LIN54: variants seen among roughly 807,000 people sequenced by gnomAD.
LIN54 encodes the protein lin-54 DREAM MuvB core complex component, also known as protein lin-54 homolog.
Under a neutral mutation model 78.7 loss-of-function variants are expected in LIN54, and 9 were observed. The ratio of observed to expected loss-of-function variants is 0.11; its 90% confidence interval spans 0.07 to 0.20. The LOEUF is 0.20. LIN54 is among the 10% of genes least tolerant of loss of function. LIN54 has a pLI of 1.00. For missense variants in LIN54, 573 were observed against 889.9 expected, an observed-to-expected ratio of 0.64 and a Z score of 4.53; for synonymous variants, 269 against 318.4, an observed-to-expected ratio of 0.84 and a Z score of 1.65.
chr4:82,975,949 T>C (rs910715632), intron 3 of LIN54, among the ~76,000 whole-genome samples: 1 of 152,202 alleles, frequency 6.6e-6, no homozygotes, highest in South Asian at 2.1e-4. Context: ...TGATTAAACC[T>C]AGAAGTCAAA....
intron 4 of LIN54, among the ~76,000 whole-genome samples, chr4:82,955,699 C>G (rs1364327866): frequency 1.3e-5 from 2 of 151,122 alleles, no homozygotes; most frequent in African/African-American, 4.9e-5. Flanking sequence ...GTGGGAGGAT[C>G]GCTTGAACTC....
At chr4:82,976,735 G>T (rs1367261604) in intron 3 of LIN54, among the ~76,000 whole-genome samples, 1 of 152,082 alleles carries the variant, frequency 6.6e-6, no homozygotes, top group African/African-American at 2.4e-5. Flanking sequence ...CATGGAAAAA[G>T]ACTGCAGTCT....
rs1198564986 is a variant in LIN54, at chr4:82,925,696, AAAG to A, written c.*2403_*2405del. 6.6e-6 allele frequency: 1 copy of A among 152,670 alleles called. No homozygotes were observed. The highest frequency in any genetic ancestry group is 1.5e-5 in the Non-Finnish European group (1 of 68,044). 9.5% of individuals were successfully genotyped at this position (152,670 alleles called of 1,614,324 possible). On this transcript the variant is annotated 3_prime_UTR_variant, in exon 13 of 13. Coordinates refer to ENST00000340417, the MANE Select transcript of LIN54 (RefSeq NM_194282.4). ...GTTAATAAAGTGGTGTTATTATACT[AAAG>A]AAAAAATGCAAAACCTTTTTTACAG...
At chr4:82,987,739 C>T (rs1727297422) in intron 1 of LIN54, among the ~76,000 whole-genome samples, 1 of 152,184 alleles carries the variant, frequency 6.6e-6, no homozygotes, top group Admixed American at 6.5e-5. Context: ...CATAGTATTC[C>T]ATGGTGTATA....
intron 4 of LIN54, among the ~76,000 whole-genome samples, chr4:82,968,467 A>G (rs575531210): frequency 7.9e-5 from 12 of 152,256 alleles, no homozygotes; most frequent in Admixed American, 5.9e-4. Flanking sequence ...TCAGAAATAC[A>G]GGAGTCATCC....
At chr4:82,944,666 A>G (rs990025348) in intron 5 of LIN54, 2 of 152,198 alleles carry the variant, frequency 1.3e-5, no homozygotes, top group Non-Finnish European at 2.9e-5. Flanking sequence ...ATTCTTCTAT[A>G]GGTTCCCTCA....
intron 1 of LIN54, among the ~76,000 whole-genome samples, chr4:82,988,267 A>G (rs1727344068): frequency 6.6e-6 from 1 of 152,190 alleles, no homozygotes; most frequent in Non-Finnish European, 1.5e-5. Context: ...TATATTATGT[A>G]CTTATGACAT....
rs1343799418 is a variant in LIN54, at chr4:82,925,007, T to G, written c.*3095A>C. ...TTTTTATTCACATTTTACATAAGAT[T>G]GAAAAAATGTCAGTTGTTCACTACC... On this transcript the variant is annotated 3_prime_UTR_variant, in exon 13 of 13. Coordinates refer to ENST00000340417, the MANE Select transcript of LIN54 (RefSeq NM_194282.4). The G allele has an allele frequency of 6.6e-6, 1 of 152,584 alleles. No individual in the cohort carries two copies. Among genetic ancestry groups the G allele is most frequent in the Admixed American group, 6.5e-5 (1 of 15,280 alleles). 9.5% of individuals were successfully genotyped at this position (152,584 alleles called of 1,614,324 possible). A position where few individuals can be genotyped will look rare whatever the true frequency, so the allele number is the denominator to read the frequency against.
chr4:82,947,860 A>G (rs1723533867), intron 4 of LIN54, among the ~76,000 whole-genome samples: 1 of 152,350 alleles, frequency 6.6e-6, no homozygotes, highest in South Asian at 2.1e-4. Context: ...TGATGGAGGA[A>G]ATATGTATTC....
At chr4:82,938,541 C>A in intron 7 of LIN54, 37 bp from the exon 8 acceptor site, 1 of 1,117,438 alleles carries the variant, frequency 8.9e-7, no homozygotes. Flanking sequence ...ATCATATTTC[C>A]AAAAATGGAC....
At chr4:82,942,830 A>C (rs1723016193) in intron 5 of LIN54, among the ~76,000 whole-genome samples, 1 of 151,414 alleles carries the variant, frequency 6.6e-6, no homozygotes, top group Admixed American at 6.6e-5. Flanking sequence ...TTCTCCTCAT[A>C]CACATGCACA....
intron 2 of LIN54, among the ~76,000 whole-genome samples, chr4:82,979,889 T>A (rs1726479275): frequency 7.2e-6 from 1 of 138,992 alleles, no homozygotes; most frequent in Non-Finnish European, 1.5e-5. Context: ...GGAGTCGAGA[T>A]TGCACCACTG....
intron 4 of LIN54, among the ~76,000 whole-genome samples, chr4:82,964,487 T>C (rs1253588349): frequency 6.6e-6 from 1 of 152,238 alleles, no homozygotes; most frequent in Non-Finnish European, 1.5e-5. Flanking sequence ...CTTTTCAAAT[T>C]ATGAAAGTGT....
intron 7 of LIN54, among the ~76,000 whole-genome samples, chr4:82,938,810 G>A (rs1472084203): frequency 6.6e-6 from 1 of 152,170 alleles, no homozygotes; most frequent in East Asian, 1.9e-4. Context: ...GTAATAACTT[G>A]TTTGGGCTAG....
intron 2 of LIN54, among the ~76,000 whole-genome samples, chr4:82,979,983 G>T (rs961160397): frequency 7.0e-6 from 1 of 143,848 alleles, no homozygotes; most frequent in Admixed American, 7.2e-5. Context: ...GTCTCATCTC[G>T]TCACCCAGAC....
intron 4 of LIN54, among the ~76,000 whole-genome samples, chr4:82,955,901 T>C (rs918950645): frequency 7.9e-5 from 12 of 152,156 alleles, no homozygotes; most frequent in Non-Finnish European, 1.6e-4. Context: ...AATAGGCAAG[T>C]TGATAATTCC....
At chr4:82,942,821 TCTC>T (rs1323127955) in intron 5 of LIN54, among the ~76,000 whole-genome samples, 4 of 151,212 alleles carry the variant, frequency 2.6e-5, no homozygotes, top group Non-Finnish European at 5.9e-5. Context: ...ATCCCTGCCT[TCTC>T]CTCATACACA....
chr4:82,939,256 T>C lies in LIN54; in HGVS notation c.1440+283A>G, dbSNP rs535948671. Among the ~76,000 whole-genome samples the C allele has an allele frequency of 2.0e-5, 3 of 152,384 alleles. No homozygotes were observed. The East Asian group carries it at 5.8e-4, about 29-fold the overall frequency. ...AAATTCATTTGGACTCTGCTGATTTTAACTTCAGTCTATTTTCTATCATAT... is the reference window on the plus strand; with the variant it reads ...AAATTCATTTGGACTCTGCTGATTTCAACTTCAGTCTATTTTCTATCATAT... On this transcript the variant is annotated intron_variant, in intron 7 of 12. Transcript: ENST00000340417.
Position 82,937,281 on chromosome 4 carries a change from G to A in LIN54, c.1550C>T (p.Ser517Leu), listed in dbSNP as rs776973799. 14 of 1,590,852 alleles carry A rather than the reference G, an allele frequency of 8.8e-6. No individual in the cohort carries two copies. The highest frequency in any genetic ancestry group is 1.1e-5 in the Non-Finnish European group (13 of 1,159,042). The change falls in exon 9 of 13, where the codon TCG becomes TTG. Residue 517 changes from serine (S) to leucine (L), a missense_variant. Ser to Leu is a moderately radical substitution (Grantham distance 145). Around this residue, in one of 6 missense-constraint regions of LIN54, gnomAD observed 101 missense variants for 194.2 expected, o/e 0.52. Coordinates refer to ENST00000340417, the MANE Select transcript of LIN54 (RefSeq NM_194282.4). ...ACAGGGCTTTCGGGGCCGACTGGCC[G>A]ACTCTGATGGGATTATGCTGTACAG... is the stretch of plus-strand genomic sequence containing the variant. ...LPFNGIIPSE[S>L]ASRPRKPCNC...
Sources: gnomAD v4.1 joint callset for allele counts (sites outside exome capture counted in the v4.1 genomes callset) on GRCh38, gnomAD v4.1.1 for gene constraint, gnomAD v4.1.1 regional missense constraint, MANE v1.5 for transcripts, NCBI Gene and HGNC (gene_info 2026-07-23, HGNC 2026-07-21) for gene names.